The following CLNK variants were observed in gnomAD, a reference collection of about 807,000 sequenced individuals.
CLNK encodes cytokine dependent hematopoietic cell linker.
Under a neutral mutation model 68.6 loss-of-function variants are expected in CLNK, and 74 were observed. The ratio of observed to expected loss-of-function variants is 1.08; its 90% CI spans 0.89 to 1.31. The LOEUF (loss-of-function observed/expected upper bound fraction) is 1.31, where lower values mean the gene tolerates loss of function less well. Among genes scored for constraint, CLNK ranks in the 50% most tolerant of loss-of-function variants. CLNK has a pLI of 0.00. For synonymous variants in CLNK, 198 were observed against 172.2 expected (o/e 1.15, Z -1.17); for missense variants, 553 against 515.3 (o/e 1.07, Z -0.71).
chr4:10,492,573 G>A (rs571042669), intron 18 of CLNK, among the ~76,000 whole-genome samples: 1 of 152,292 alleles, frequency 6.6e-6, no homozygotes, highest in Admixed American at 6.5e-5. Flanking sequence ...AACTTCACCA[G>A]GTCGCTCAGA....
chr4:10,570,964 G>A (rs1252792261), intron 5 of CLNK, among the ~76,000 whole-genome samples: 1 of 152,120 alleles, frequency 6.6e-6, no homozygotes, highest in African/African-American at 2.4e-5. Flanking sequence ...ATATGTTTAA[G>A]TATCAGTACA....
intron 2 of CLNK, among the ~76,000 whole-genome samples, chr4:10,607,003 T>G (rs1450126039): frequency 6.6e-6 from 1 of 152,236 alleles, no homozygotes; most frequent in Non-Finnish European, 1.5e-5. Context: ...CATATTGTGC[T>G]GATGTTACAG....
At chr4:10,625,925 T>C (rs530949877) in intron 2 of CLNK, among the ~76,000 whole-genome samples, 59 of 152,378 alleles carry the variant, frequency 3.9e-4, no homozygotes, top group African/African-American at 1.3e-3. Flanking sequence ...CAATGTGTTA[T>C]GACCTTCTCT....
intron 3 of CLNK, among the ~76,000 whole-genome samples, chr4:10,586,583 G>T (rs778354899): frequency 6.6e-6 from 1 of 152,028 alleles, no homozygotes; most frequent in Non-Finnish European, 1.5e-5. Flanking sequence ...ACAGTGCTGG[G>T]ATTACAGGCT....
At chr4:10,532,019 T>C (rs1718563837) in intron 12 of CLNK, among the ~76,000 whole-genome samples, 1 of 152,268 alleles carries the variant, frequency 6.6e-6, no homozygotes, top group Admixed American at 6.5e-5. Context: ...GTTCTTCCTA[T>C]AACAAATGAA....
intron 12 of CLNK, 80 bp from the exon 13 acceptor site, chr4:10,528,174 G>T: frequency 3.1e-6 from 2 of 635,338 alleles, no homozygotes; most frequent in Non-Finnish European, 4.6e-6. Context: ...TGTTTTTAGA[G>T]CATTTGGTTG....
chr4:10,509,273 G>A (rs1206196366), intron 16 of CLNK, among the ~76,000 whole-genome samples: 1 of 152,094 alleles, frequency 6.6e-6, no homozygotes, highest in Non-Finnish European at 1.5e-5. Flanking sequence ...ATGATGTGAT[G>A]GACACCACAT....
chr4:10,594,961 G>T (rs1337963417), intron 3 of CLNK, among the ~76,000 whole-genome samples: 2 of 152,156 alleles, frequency 1.3e-5, no homozygotes, highest in African/African-American at 4.8e-5. Flanking sequence ...GGATGTGGTG[G>T]CACATGCCTG....
intron 8 of CLNK, among the ~76,000 whole-genome samples, chr4:10,552,341 G>A (rs902104302): frequency 6.6e-6 from 1 of 152,090 alleles, no homozygotes; most frequent in African/African-American, 2.4e-5. Flanking sequence ...CAGGCTGGGG[G>A]GACAAGAACA....
the CLNK span, among the ~76,000 whole-genome samples, chr4:10,706,814 A>G: frequency 1.3e-5 from 2 of 152,150 alleles, no homozygotes; most frequent in Non-Finnish European, 2.9e-5. Flanking sequence ...CAAAAAATAA[A>G]AGACCCCCAA....
rs554241279 is a variant in CLNK at position 10,623,045 on chromosome 4, C to T, written c.12-24996G>A. Among the ~76,000 whole-genome samples, 17 of 152,132 alleles carry T rather than the reference C, an allele frequency of 1.1e-4. 1 individual carries two copies. The East Asian group carries it at 2.3e-3, about 21-fold the overall frequency. Reference sequence around the variant, plus strand: ...TTGCATTGGGGATTAACTAGGGCTTCGATATGTCAATTTGGGGGAAACACT... The same window carrying T: ...TTGCATTGGGGATTAACTAGGGCTTTGATATGTCAATTTGGGGGAAACACT... On this transcript the variant is annotated intron_variant, in intron 2 of 18. Transcript: ENST00000226951.
At chr4:10,493,649 A>T (rs972241255) in intron 18 of CLNK, among the ~76,000 whole-genome samples, 1 of 152,088 alleles carries the variant, frequency 6.6e-6, no homozygotes, top group Non-Finnish European at 1.5e-5. Flanking sequence ...CTACACCACC[A>T]CCCATATTAC....
At chr4:10,668,887 G>A (rs1392338430) in intron 1 of CLNK, among the ~76,000 whole-genome samples, 3 of 152,320 alleles carry the variant, frequency 2.0e-5, no homozygotes, top group East Asian at 1.9e-4. Flanking sequence ...AGCCAAGGGC[G>A]AGGAGCTGTT....
intron 8 of CLNK, among the ~76,000 whole-genome samples, chr4:10,551,142 A>G (rs930730029): frequency 6.6e-6 from 1 of 152,226 alleles, no homozygotes; most frequent in African/African-American, 2.4e-5. Flanking sequence ...TTGGTTGAGC[A>G]TGGGTAACTG....
At chr4:10,593,920 G>A (rs977176242) in intron 3 of CLNK, among the ~76,000 whole-genome samples, 1 of 152,162 alleles carries the variant, frequency 6.6e-6, no homozygotes, top group African/African-American at 2.4e-5. Flanking sequence ...GGAGACTAGT[G>A]CTTGGAAAGT....
chr4:10,616,790 GTATATATATATA>G (rs58333228), intron 2 of CLNK, among the ~76,000 whole-genome samples: 1,248 of 64,390 alleles, frequency 0.019, 36 homozygotes, highest in South Asian at 0.065. Flanking sequence ...GTGTGTGTGT[GTATATATATATA>G]TATATATATA....
intron 14 of CLNK, chr4:10,524,070 G>T (rs1295079927): frequency 5.3e-6 from 1 of 187,786 alleles, no homozygotes; most frequent in Non-Finnish European, 1.1e-5. Context: ...ACAAAAGAAA[G>T]AAAGAAAGAA....
chr4:10,515,007 C>T (rs922249852), intron 15 of CLNK, among the ~76,000 whole-genome samples: 1 of 152,160 alleles, frequency 6.6e-6, no homozygotes, highest in Non-Finnish European at 1.5e-5. Flanking sequence ...GAGGCCGAGG[C>T]GGGTCGGATC....
In CLNK at chr4:10,506,451, T is replaced by C. The variant is rs1017342569; in HGVS notation, c.984+1508A>G. On this transcript the variant is annotated intron_variant, in intron 17 of 18. Transcript: ENST00000226951. ...AGCAAAAAATAAAGTTTCATTATGT[T>C]AAGCAACTGAGATCTTGGGGTTGTT... Among the ~76,000 whole-genome samples the C allele has an allele frequency of 1.3e-3, 201 of 152,306 alleles. 2 individuals are homozygous for C. Among genetic ancestry groups the C allele is most frequent in the African/African-American group, 4.6e-3 (190 of 41,568 alleles).
Sources: gnomAD v4.1 joint callset for allele counts (sites outside exome capture counted in the v4.1 genomes callset) on GRCh38, gnomAD v4.1.1 for gene constraint, MANE v1.5 for transcripts, NCBI Gene and HGNC (gene_info 2026-07-23, HGNC 2026-07-21) for gene names.